Variants in PTK7 observed in about 807,000 individuals in gnomAD.
PTK7 encodes inactive tyrosine-protein kinase 7.
In PTK7, 39 loss-of-function variants were observed where a neutral mutation model predicts 116.6. The ratio of observed to expected loss-of-function variants is 0.33; its 90% CI spans 0.26 to 0.44. The LOEUF (loss-of-function observed/expected upper bound fraction) is 0.44, where lower values mean the gene tolerates loss of function less well. PTK7 is among the 20% of genes least tolerant of loss of function. The pLI, the probability that PTK7 is intolerant of heterozygous loss-of-function variation, is 1.00. For missense variants in PTK7, 1,169 were observed against 1,425.6 expected (o/e 0.82, Z 2.90); for synonymous variants, 546 against 563.6 (o/e 0.97, Z 0.44).
chr6:43,134,146 C>T (rs1406543737), intron 7 of PTK7, among the ~76,000 whole-genome samples: 2 of 152,172 alleles, frequency 1.3e-5, no homozygotes, highest in Non-Finnish European at 2.9e-5. Flanking sequence ...TCAAGTGATT[C>T]TCGTGCCTCA....
rs775434331 is a variant in PTK7, at chr6:43,130,186, C to G, written c.471-44C>G. ...GATACTGTATCCTCTCCACTGGCCA[C>G]TGAGTACCCCTCCCCACCACTGCTG... On this transcript the variant is annotated intron_variant, in intron 3 of 19. Coordinates refer to ENST00000230419, the MANE Select transcript of PTK7 (RefSeq NM_002821.5). 2.0e-5 allele frequency: 31 copies of G among 1,518,184 alleles called. No individual in the cohort carries two copies. In the East Asian group the frequency reaches 6.4e-4, roughly 31 times the overall value. The allele number at this position is 1,518,184 out of a possible 1,614,324, so 94.0% of individuals were successfully genotyped here. A position where few individuals can be genotyped will look rare whatever the true frequency, so the allele number is the denominator to read the frequency against.
At chr6:43,138,782 G>A (rs955782766) in intron 7 of PTK7, 67 bp from the exon 8 acceptor site, 1 of 1,525,186 alleles carries the variant, frequency 6.6e-7, no homozygotes. Flanking sequence ...AGGATTTCTT[G>A]GAGATGGATC....
intron 17 of PTK7, among the ~76,000 whole-genome samples, chr6:43,153,361 C>T (rs1771241897): frequency 6.6e-6 from 1 of 151,726 alleles, no homozygotes. Flanking sequence ...GATCTGCCTG[C>T]CTTGGCCTCC....
chr6:43,160,760 G>C lies in PTK7; in HGVS notation c.3092G>C (p.Gly1031Ala). 1 of 1,614,198 alleles carries C rather than the reference G, an allele frequency of 6.2e-7. No homozygotes were observed. The highest frequency in any genetic ancestry group is 8.5e-7 in the Non-Finnish European group (1 of 1,180,022). Residue 1031 changes from glycine (G) to alanine (A), a missense_variant, in exon 20 of 20, where the codon GGC becomes GCC. Physicochemically the swap from Gly to Ala is moderately conservative, Grantham distance 60. This residue lies in a region of PTK7 where 678 missense variants were observed against 853.8 expected (regional missense o/e 0.79). Coordinates refer to ENST00000230419, the MANE Select transcript of PTK7 (RefSeq NM_002821.5). ...AAGGCTAGACTTCCTCAGCCCGAGG[G>C]CTGCCCTTCCAAACTCTATCGGCTG... ...AGKARLPQPEGCPSKLYRLMQ... is the reference protein window; with the variant it reads ...AGKARLPQPEACPSKLYRLMQ...
In PTK7 at chr6:43,143,537, T is replaced by C. The variant is rs776059167; in HGVS notation, c.2168T>C (p.Met723Thr). The C allele has an allele frequency of 6.2e-7, 1 of 1,614,044 alleles. No individual in the cohort carries two copies. Residue 723 changes from methionine (M) to threonine (T), a missense_variant, in exon 14 of 20, where the codon ATG becomes ACG. Physicochemically the swap from Met to Thr is moderately conservative, Grantham distance 81. Around this residue, in one of 3 missense-constraint regions of PTK7, gnomAD observed 678 missense variants for 853.8 expected, o/e 0.79. Coordinates refer to ENST00000230419, the MANE Select transcript of PTK7 (RefSeq NM_002821.5). This position sits in a 1 kb window ranked among gnomAD's most constrained non-coding sequence, Gnocchi z 4.2. ...TACATCATTGCCGTGCTGGGCCTCA[T>C]GTTCTACTGCAAGAAGCGCTGCAAA... is the stretch of plus-strand genomic sequence containing the variant. ...VAYIIAVLGL[M>T]FYCKKRCKAK...
Position 43,109,295 on chromosome 6 carries a change from C to T in PTK7, c.80-19682C>T, listed in dbSNP as rs143561698. Among the ~76,000 whole-genome samples the T allele has an allele frequency of 5.3e-5, 8 of 152,248 alleles. No homozygotes were observed. The East Asian group carries it at 1.5e-3, about 29-fold the overall frequency. On this transcript the variant is annotated intron_variant, in intron 1 of 19. Coordinates refer to ENST00000230419, the MANE Select transcript of PTK7 (RefSeq NM_002821.5). Reference sequence around the variant, plus strand: ...GGCTCAAGCAATCCTCCCACCTGAGCCACTCAAGTAGCTGGGACTACAGGA... The same window carrying T: ...GGCTCAAGCAATCCTCCCACCTGAGTCACTCAAGTAGCTGGGACTACAGGA...
chr6:43,105,303 A>G (rs1316309102), intron 1 of PTK7, among the ~76,000 whole-genome samples: 1 of 151,854 alleles, frequency 6.6e-6, no homozygotes, highest in Non-Finnish European at 1.5e-5. Context: ...AAAAAAAAAA[A>G]GGAAAACCAT....
At chr6:43,087,227 G>C (rs1204430188) in intron 1 of PTK7, among the ~76,000 whole-genome samples, 1 of 152,210 alleles carries the variant, frequency 6.6e-6, no homozygotes, top group Non-Finnish European at 1.5e-5. Context: ...CTGAAGTCTT[G>C]ACCTATTTCT....
intron 7 of PTK7, among the ~76,000 whole-genome samples, chr6:43,136,100 G>A (rs926724310): frequency 6.6e-6 from 1 of 152,090 alleles, no homozygotes; most frequent in African/African-American, 2.4e-5. Context: ...AGGTTGCAGT[G>A]AGCCGAGATT....
At chr6:43,080,069 AG>A (rs1766288868) in intron 1 of PTK7, among the ~76,000 whole-genome samples, 1 of 149,040 alleles carries the variant, frequency 6.7e-6, no homozygotes, top group Non-Finnish European at 1.5e-5. Flanking sequence ...AAAAAAAAAA[AG>A]GGCAGGATGC....
chr6:43,139,572 GA>G lies in PTK7; in HGVS notation c.1618+48del. On this transcript the variant is annotated intron_variant, in intron 10 of 19. Coordinates refer to ENST00000230419, the MANE Select transcript of PTK7 (RefSeq NM_002821.5). The surrounding 1 kb of genome is among the most constrained non-coding windows in gnomAD (Gnocchi z 4.6). Reference sequence around the variant, plus strand: ...GGTAGGGGCAGGCAGGCAGTTCACTGATCAGATACATACCTGAGGGCTGCTG... The same window carrying G: ...GGTAGGGGCAGGCAGGCAGTTCACTGTCAGATACATACCTGAGGGCTGCTG... The G allele has an allele frequency of 6.2e-7, 1 of 1,609,950 alleles. No homozygotes were observed. Among genetic ancestry groups the G allele is most frequent in the South Asian group, 1.1e-5 (1 of 90,378 alleles).
chr6:43,108,544 C>T (rs1453144271), intron 1 of PTK7, among the ~76,000 whole-genome samples: 2 of 151,748 alleles, frequency 1.3e-5, no homozygotes, highest in East Asian at 1.9e-4. Flanking sequence ...GGACTACAGG[C>T]GCATACCACC....
chr6:43,119,806 C>T lies in PTK7; in HGVS notation c.80-9171C>T, dbSNP rs1294564978. 3.9e-5 allele frequency among the ~76,000 whole-genome samples: 6 copies of T among 152,188 alleles called. No homozygotes were observed. The East Asian group carries it at 1.2e-3, about 29-fold the overall frequency. On this transcript the variant is annotated intron_variant, in intron 1 of 19. Transcript: ENST00000230419. ...GCTGGCTGCTGTCTGTCCCTCTCCT[C>T]TTGGGGCCAAGAATGGATTTGGGGC...
rs559881376 is a variant in PTK7, at chr6:43,130,811, A to C, written c.812+150A>C. 112 of 1,198,604 alleles carry C rather than the reference A, an allele frequency of 9.3e-5. 1 individual carries two copies. Among genetic ancestry groups the C allele is most frequent in the Non-Finnish European group, 1.2e-4 (107 of 864,204 alleles). 74.2% of individuals were successfully genotyped at this position (1,198,604 alleles called of 1,614,324 possible). A position where few individuals can be genotyped will look rare whatever the true frequency, so the allele number is the denominator to read the frequency against. On this transcript the variant is annotated intron_variant, in intron 5 of 19. Transcript: ENST00000230419. ...ACACAGTTGAATGTTTTGCTTTTAC[A>C]AGATGAGTCTGACACAGGGAAGAGT...
chr6:43,125,131 C>T (rs1168219991), intron 1 of PTK7, among the ~76,000 whole-genome samples: 1 of 152,064 alleles, frequency 6.6e-6, no homozygotes, highest in Non-Finnish European at 1.5e-5. Flanking sequence ...GAGATTGTGC[C>T]ATTGCATTCC....
intron 1 of PTK7, among the ~76,000 whole-genome samples, chr6:43,109,844 GC>G (rs1768093269): frequency 6.6e-6 from 1 of 151,574 alleles, no homozygotes; most frequent in Non-Finnish European, 1.5e-5. Flanking sequence ...GACTACAGGT[GC>G]CCACGACCAC....
At chr6:43,089,760 CT>C (rs1766845591) in intron 1 of PTK7, among the ~76,000 whole-genome samples, 1 of 152,182 alleles carries the variant, frequency 6.6e-6, no homozygotes, top group African/African-American at 2.4e-5. Context: ...TGGAACAGCC[CT>C]GGAGACCTGT....
At chr6:43,103,626 G>A (rs1231619262) in intron 1 of PTK7, among the ~76,000 whole-genome samples, 1 of 152,204 alleles carries the variant, frequency 6.6e-6, no homozygotes, top group Non-Finnish European at 1.5e-5. Flanking sequence ...GGCTGGGAGT[G>A]ATGCTTCAGT....
At chr6:43,114,787 A>G (rs1768401303) in intron 1 of PTK7, among the ~76,000 whole-genome samples, 2 of 152,060 alleles carry the variant, frequency 1.3e-5, no homozygotes, top group Admixed American at 6.6e-5. Context: ...GCTTTTAAAA[A>G]TAACTTCTTT....
Sources: gnomAD v4.1 joint callset for allele counts (sites outside exome capture counted in the v4.1 genomes callset) on GRCh38, gnomAD v4.1.1 for gene constraint, gnomAD v4.1.1 regional missense constraint, Gnocchi (gnomAD v3.1) non-coding constraint, MANE v1.5 for transcripts, NCBI Gene and HGNC (gene_info 2026-07-23, HGNC 2026-07-21) for gene names.